CAMK1D: variants seen among roughly 807,000 people sequenced by gnomAD.
CAMK1D encodes the protein calcium/calmodulin dependent protein kinase ID.
CAMK1D carries 9 observed loss-of-function variants against 47.7 expected under a neutral mutation model. That is an observed-to-expected ratio of 0.19 (90% CI 0.11 to 0.33). The LOEUF is 0.33. Ranked by LOEUF, CAMK1D falls within the 10% of genes least tolerant of loss-of-function variation. The pLI, the probability that CAMK1D is intolerant of heterozygous loss-of-function variation, is 1.00. For missense variants in CAMK1D, 291 were observed against 488.7 expected (o/e 0.60, Z 3.81); for synonymous variants, 184 against 184.9 (o/e 0.99, Z 0.04).
chr10:12,524,048 C>T (rs555955589), intron 1 of CAMK1D, among the ~76,000 whole-genome samples: 13 of 151,884 alleles, frequency 8.6e-5, no homozygotes, highest in South Asian at 8.3e-4. Context: ...CCCACCACCA[C>T]GCCTGGCTAA....
intron 1 of CAMK1D, among the ~76,000 whole-genome samples, chr10:12,362,119 T>C (rs917505823): frequency 6.6e-6 from 1 of 152,150 alleles, no homozygotes; most frequent in Non-Finnish European, 1.5e-5. Context: ...ATCGTAACCA[T>C]TTTGAAGTGT....
At chr10:12,648,658 G>A (rs558622941) in intron 2 of CAMK1D, among the ~76,000 whole-genome samples, 8 of 151,994 alleles carry the variant, frequency 5.3e-5, no homozygotes, top group African/African-American at 1.9e-4. Context: ...TTTAGTAGAG[G>A]TGGGGTTTCG....
intron 6 of CAMK1D, among the ~76,000 whole-genome samples, chr10:12,791,784 T>C (rs1270380691): frequency 1.3e-5 from 2 of 152,228 alleles, no homozygotes; most frequent in Non-Finnish European, 2.9e-5. Flanking sequence ...AACACAAGTG[T>C]AGAAATATCT....
chr10:12,360,303 G>T (rs1043768071), intron 1 of CAMK1D, among the ~76,000 whole-genome samples: 7 of 152,152 alleles, frequency 4.6e-5, no homozygotes, highest in African/African-American at 1.7e-4. Context: ...AGTCTTGCCT[G>T]CCTCCCCACA....
intron 3 of CAMK1D, among the ~76,000 whole-genome samples, chr10:12,755,071 A>G (rs948762583): frequency 2.0e-5 from 3 of 152,240 alleles, no homozygotes; most frequent in African/African-American, 7.2e-5. Flanking sequence ...TATTTTGGAA[A>G]TTTCTGAACA....
chr10:12,361,113 T>G (rs938594483), intron 1 of CAMK1D, among the ~76,000 whole-genome samples: 1 of 152,200 alleles, frequency 6.6e-6, no homozygotes, highest in Non-Finnish European at 1.5e-5. Flanking sequence ...TCTTTGGATT[T>G]TTTGGGTGTG....
At chr10:12,758,636 T>C (rs1348433020) in intron 3 of CAMK1D, among the ~76,000 whole-genome samples, 1 of 152,216 alleles carries the variant, frequency 6.6e-6, no homozygotes, top group Admixed American at 6.5e-5. Context: ...TTATGCAGAT[T>C]TTTTCATTCA....
At chr10:12,402,880 A>C (rs1445031300) in intron 1 of CAMK1D, among the ~76,000 whole-genome samples, 3 of 152,038 alleles carry the variant, frequency 2.0e-5, no homozygotes, top group African/African-American at 7.2e-5. Context: ...TTATGTGGGC[A>C]AAAGGTGATG....
intron 1 of CAMK1D, among the ~76,000 whole-genome samples, chr10:12,548,058 G>T (rs1299625186): frequency 6.6e-6 from 1 of 152,172 alleles, no homozygotes; most frequent in Non-Finnish European, 1.5e-5. Flanking sequence ...TATCAGCCCA[G>T]CGTGACACAT....
intron 8 of CAMK1D, among the ~76,000 whole-genome samples, chr10:12,822,718 C>G (rs778269357): frequency 6.6e-6 from 1 of 152,234 alleles, no homozygotes; most frequent in African/African-American, 2.4e-5. Flanking sequence ...GAGGATGTAG[C>G]TTTTCAACAG....
chr10:12,484,551 G>A (rs11257821), intron 1 of CAMK1D, among the ~76,000 whole-genome samples: 6,603 of 152,266 alleles, frequency 0.043, 546 homozygotes, highest in East Asian at 0.4. Flanking sequence ...AAGTCAGGGA[G>A]CCACTGGCAG....
intron 2 of CAMK1D, among the ~76,000 whole-genome samples, chr10:12,563,515 C>T (rs1837011470): frequency 6.6e-6 from 1 of 152,204 alleles, no homozygotes; most frequent in African/African-American, 2.4e-5. Context: ...CCCTCACAGA[C>T]ACACCAGAAA....
At chr10:12,578,178 G>A (rs762262760) in intron 2 of CAMK1D, among the ~76,000 whole-genome samples, 5 of 151,980 alleles carry the variant, frequency 3.3e-5, no homozygotes, top group South Asian at 2.1e-4. Flanking sequence ...GGGCCCAAGC[G>A]ATCCTCTCAC....
chr10:12,792,797 C>T (rs928335), intron 6 of CAMK1D, among the ~76,000 whole-genome samples: 64,493 of 152,076 alleles, frequency 0.42, 14,040 homozygotes, highest in East Asian at 0.55. Flanking sequence ...GGCAGATTCA[C>T]CTGAGCTTTA....
At chr10:12,791,643 A>G (rs561876339) in intron 6 of CAMK1D, among the ~76,000 whole-genome samples, 3 of 149,838 alleles carry the variant, frequency 2.0e-5, no homozygotes, top group Middle Eastern at 3.4e-3. Flanking sequence ...ATGGTGTAGC[A>G]TGGGTCAGAA....
In CAMK1D at chr10:12,816,793, A is replaced by C. The variant is rs533696736; in HGVS notation, c.833+465A>C. 1.1e-4 allele frequency among the ~76,000 whole-genome samples: 17 copies of C among 149,278 alleles called. No homozygotes were observed. In the South Asian group the frequency reaches 3.6e-3, roughly 32 times the overall value. On this transcript the variant is annotated intron_variant, in intron 8 of 10. Coordinates refer to ENST00000619168, the MANE Select transcript of CAMK1D (RefSeq NM_153498.4). ...AGGCTGAGTCAGGACAATCGCTTGA[A>C]CTCGGGAGGCGAAGGTTGCAGTGAG...
At chr10:12,695,577 C>T (rs570084956) in intron 3 of CAMK1D, among the ~76,000 whole-genome samples, 4 of 152,282 alleles carry the variant, frequency 2.6e-5, no homozygotes, top group African/African-American at 7.2e-5. Flanking sequence ...TTTCACATCA[C>T]GTAAAAGGGT....
intron 1 of CAMK1D, among the ~76,000 whole-genome samples, chr10:12,525,013 C>G (rs1279975461): frequency 6.6e-6 from 1 of 152,074 alleles, no homozygotes; most frequent in Non-Finnish European, 1.5e-5. Flanking sequence ...TATAGACTTT[C>G]ATTGGATAGA....
In CAMK1D at chr10:12,745,124, G is replaced by A. The variant is rs375758646; in HGVS notation, c.300-15824G>A. ...CGGCTCACTGCAAGCTCTGCCTTCCGAGTTCACGCCGTTCTCCTGCCTCAG... is the reference window on the plus strand; with the variant it reads ...CGGCTCACTGCAAGCTCTGCCTTCCAAGTTCACGCCGTTCTCCTGCCTCAG... On this transcript the variant is annotated intron_variant, in intron 3 of 10. Coordinates refer to ENST00000619168, the MANE Select transcript of CAMK1D (RefSeq NM_153498.4). 3.1e-3 allele frequency among the ~76,000 whole-genome samples: 477 copies of A among 152,326 alleles called. 3 individuals are homozygous for A. Among genetic ancestry groups the A allele is most frequent in the African/African-American group, 0.011 (453 of 41,578 alleles).
Sources: allele counts gnomAD v4.1 joint callset (sites outside exome capture counted in the v4.1 genomes callset), GRCh38; gene constraint gnomAD v4.1.1; transcripts MANE v1.5; gene names NCBI Gene and HGNC (gene_info 2026-07-23, HGNC 2026-07-21).